Variants in LRP2 observed in about 807,000 individuals in gnomAD.
LRP2 encodes the protein low-density lipoprotein receptor-related protein 2.
LRP2 carries 172 observed loss-of-function variants against 531.0 expected under a neutral mutation model. The ratio of observed to expected loss-of-function variants is 0.32; its 90% CI spans 0.29 to 0.37. LRP2 has a LOEUF of 0.37. Among genes scored for constraint, LRP2 ranks in the 10% least tolerant of loss-of-function variants. LRP2 has a pLI of 1.00. For missense variants in LRP2, 5,167 were observed against 5,868.3 expected (o/e 0.88, Z 3.90); for synonymous variants, 1,992 against 2,027.6 (o/e 0.98, Z 0.47).
At chr2:169,224,844 C>A (rs1321703677) in intron 33 of LRP2, among the ~76,000 whole-genome samples, 1 of 152,188 alleles carries the variant, frequency 6.6e-6, no homozygotes, top group Non-Finnish European at 1.5e-5. Flanking sequence ...AATCCCAACA[C>A]TTTGGGAGGT....
intron 59 of LRP2, 144 bp downstream of exon 59, chr2:169,170,407 C>G (rs1366497605): frequency 2.1e-5 from 16 of 749,244 alleles, no homozygotes; most frequent in Non-Finnish European, 2.4e-5. Context: ...AAATACAGAG[C>G]AGAAGATACT....
At chr2:169,257,067 A>T in intron 18 of LRP2, 57 bp downstream of exon 18, 2 of 1,605,626 alleles carry the variant, frequency 1.2e-6, no homozygotes, top group South Asian at 2.2e-5. Context: ...AACCTGCCTC[A>T]TTATGTGTTC....
intron 9 of LRP2, 83 bp downstream of exon 9, chr2:169,288,943 G>T (rs1683929177): frequency 1.2e-6 from 2 of 1,600,976 alleles, no homozygotes; most frequent in African/African-American, 2.7e-5. Flanking sequence ...CTCCACAAGT[G>T]CAACCTCCTA....
chr2:169,176,337 C>A, intron 54 of LRP2, 74 bp downstream of exon 54: 2 of 1,577,996 alleles, frequency 1.3e-6, no homozygotes, highest in East Asian at 2.2e-5. Flanking sequence ...AAACTCCCAT[C>A]CCTTGGAGCC....
At chr2:169,140,987 C>T (rs185223260) in intron 71 of LRP2, among the ~76,000 whole-genome samples, 489 of 152,268 alleles carry the variant, frequency 3.2e-3, no homozygotes, top group South Asian at 8.1e-3. Flanking sequence ...CAGGCAGTCA[C>T]ATAGCTACAG....
intron 57 of LRP2, 83 bp downstream of exon 57, chr2:169,173,007 GAAATAC>G: frequency 2.0e-6 from 3 of 1,503,724 alleles, no homozygotes; most frequent in Non-Finnish European, 2.8e-6. Flanking sequence ...GATGACATGG[GAAATAC>G]ACTCTCATCT....
At chr2:169,362,191 G>C in intron 1 of LRP2, 130 bp downstream of exon 1, 1 of 720,258 alleles carries the variant, frequency 1.4e-6, no homozygotes, top group Non-Finnish European at 2.2e-6. Flanking sequence ...GCCCCACCGG[G>C]AGCAGCTCCC....
At chr2:169,310,164 T>C (rs931217483) in intron 3 of LRP2, among the ~76,000 whole-genome samples, 2 of 152,224 alleles carry the variant, frequency 1.3e-5, no homozygotes, top group East Asian at 1.9e-4. Context: ...TCATGTCATC[T>C]GCAAACGGGG....
intron 45 of LRP2, among the ~76,000 whole-genome samples, chr2:169,197,389 A>C (rs1374362380): frequency 6.6e-6 from 1 of 152,204 alleles, no homozygotes; most frequent in African/African-American, 2.4e-5. Flanking sequence ...CATTGCAATG[A>C]TAATTAAAAG....
At chr2:169,361,086 G>T (rs1438640154) in intron 1 of LRP2, among the ~76,000 whole-genome samples, 1 of 152,142 alleles carries the variant, frequency 6.6e-6, no homozygotes, top group Non-Finnish European at 1.5e-5. Flanking sequence ...TCATTGTAGG[G>T]CAATTAAGTT....
intron 1 of LRP2, among the ~76,000 whole-genome samples, chr2:169,345,775 G>A (rs1350502550): frequency 6.8e-6 from 1 of 147,042 alleles, no homozygotes; most frequent in Non-Finnish European, 1.5e-5. Flanking sequence ...AAAAAAACGA[G>A]CACTGTTAGA....
At chr2:169,243,143 T>G (rs779062795) in intron 23 of LRP2, 71 bp from the exon 24 acceptor site, 3 of 1,297,266 alleles carry the variant, frequency 2.3e-6, no homozygotes, top group Non-Finnish European at 3.3e-6. Context: ...GATTTTTCTT[T>G]TTTGTTGTTA....
intron 26 of LRP2, among the ~76,000 whole-genome samples, chr2:169,239,067 T>A (rs1689710444): frequency 6.6e-6 from 1 of 152,186 alleles, no homozygotes; most frequent in Non-Finnish European, 1.5e-5. Context: ...TCCTACTACA[T>A]GTAAAAGAAA....
At chr2:169,264,281 AG>A (rs1690702771) in intron 16 of LRP2, among the ~76,000 whole-genome samples, 1 of 151,956 alleles carries the variant, frequency 6.6e-6, no homozygotes. Flanking sequence ...AATTAAAAAA[AG>A]GTAGGTTGCT....
intron 9 of LRP2, among the ~76,000 whole-genome samples, chr2:169,286,202 G>A (rs780451389): frequency 7.9e-5 from 12 of 152,294 alleles, no homozygotes; most frequent in Non-Finnish European, 1.3e-4. Context: ...ATTCTTGAAG[G>A]ACAGCAAAGG....
At chr2:169,270,881 A>T (rs1226647703) in intron 16 of LRP2, 23 bp downstream of exon 16, 1 of 1,602,182 alleles carries the variant, frequency 6.2e-7, no homozygotes, top group South Asian at 1.1e-5. Context: ...ACACACACAC[A>T]CACACACACA....
intron 10 of LRP2, among the ~76,000 whole-genome samples, chr2:169,280,728 C>A (rs539457020): frequency 7.2e-5 from 11 of 152,144 alleles, no homozygotes; most frequent in African/African-American, 2.7e-4. Context: ...CTTAATGAAG[C>A]GTCCAAAATC....
intron 31 of LRP2, among the ~76,000 whole-genome samples, chr2:169,227,687 C>T (rs1285498311): frequency 6.6e-6 from 1 of 152,040 alleles, no homozygotes; most frequent in Non-Finnish European, 1.5e-5. Context: ...GTCATTTTTT[C>T]TTTACTTATT....
At chr2:169,241,994 C>T (rs750549680) in intron 24 of LRP2, among the ~76,000 whole-genome samples, 1 of 152,104 alleles carries the variant, frequency 6.6e-6, no homozygotes, top group East Asian at 1.9e-4. Context: ...AGCAAGCCAG[C>T]GGCAATTGAC....
Sources: gnomAD v4.1 joint callset for allele counts (sites outside exome capture counted in the v4.1 genomes callset) on GRCh38, gnomAD v4.1.1 for gene constraint, MANE v1.5 for transcripts, NCBI Gene and HGNC (gene_info 2026-07-23, HGNC 2026-07-21) for gene names.